NRXN3: variants seen among roughly 807,000 people sequenced by gnomAD.
NRXN3 encodes the protein neurexin 3, also known as neurexin III.
A neutral mutation model predicts 137.6 loss-of-function variants in NRXN3; 32 were observed. The ratio of observed to expected loss-of-function variants is 0.23; its 90% confidence interval spans 0.18 to 0.31. The LOEUF is 0.31. Among genes scored for constraint, NRXN3 ranks in the 10% least tolerant of loss-of-function variants. NRXN3 has a pLI of 1.00. For synonymous variants in NRXN3, 798 were observed against 784.5 expected, an observed-to-expected ratio of 1.02 and a Z score of -0.29; for missense variants, 1,574 against 2,062.5, an observed-to-expected ratio of 0.76 and a Z score of 4.59.
At position 79,371,066 on chromosome 14, in the gene NRXN3, A is replaced by G. The variant is rs572422647; in HGVS notation, c.3263-96155A>G. On this transcript the variant is annotated intron_variant, in intron 15 of 20. Coordinates refer to ENST00000335750, the MANE Select transcript of NRXN3 (RefSeq NM_001330195.2). ...TCTCATATTGTGTGAGAAAAATGGC[A>G]ATGCTCAATAAATGTTGTTCTAACT... is the stretch of plus-strand genomic sequence containing the variant. 3.9e-5 allele frequency among the ~76,000 whole-genome samples: 6 copies of G among 152,290 alleles called. No homozygotes were observed. In the East Asian group the frequency reaches 1.2e-3, roughly 29 times the overall value.
rs140715990 is a variant in NRXN3, at chr14:79,106,210, A to G, written c.3262+118069A>G. Among the ~76,000 whole-genome samples, 77 of 152,260 alleles carry G rather than the reference A, an allele frequency of 5.1e-4. No individual in the cohort carries two copies. In the East Asian group the frequency reaches 0.014, roughly 27 times the overall value. ...TCAGGATTATAATCTCTCAGATAGT[A>G]TAATATCAGCTCATAATCTTCCAAC... On this transcript the variant is annotated intron_variant, in intron 15 of 20. Transcript: ENST00000335750.
chr14:78,956,429 G>T (rs950435889), intron 10 of NRXN3, among the ~76,000 whole-genome samples: 1 of 152,036 alleles, frequency 6.6e-6, no homozygotes, highest in Non-Finnish European at 1.5e-5. Flanking sequence ...TCTTTATAGG[G>T]TTCACTTGAA....
chr14:79,832,663 G>A (rs1265936137), intron 20 of NRXN3, among the ~76,000 whole-genome samples: 1 of 152,090 alleles, frequency 6.6e-6, no homozygotes, highest in African/African-American at 2.4e-5. Flanking sequence ...AATGGCAATA[G>A]TGTAGAGGTT....
intron 16 of NRXN3, among the ~76,000 whole-genome samples, chr14:79,589,892 G>T (rs76145670): frequency 6.6e-6 from 1 of 152,080 alleles, no homozygotes; most frequent in Non-Finnish European, 1.5e-5. Flanking sequence ...AAAAGCTATT[G>T]AATGACTGTG....
intron 1 of NRXN3, among the ~76,000 whole-genome samples, chr14:78,240,712 T>A (rs1392892898): frequency 6.6e-6 from 1 of 152,176 alleles, no homozygotes; most frequent in Non-Finnish European, 1.5e-5. Context: ...TTAGGGAACA[T>A]TGCTTGGACA....
intron 15 of NRXN3, among the ~76,000 whole-genome samples, chr14:79,172,408 C>G (rs983935161): frequency 6.6e-6 from 1 of 151,946 alleles, no homozygotes; most frequent in Non-Finnish European, 1.5e-5. Context: ...TTACCTTTAA[C>G]AATTTTGAAT....
At chr14:78,556,808 C>T (rs2096740827) in intron 4 of NRXN3, among the ~76,000 whole-genome samples, 1 of 151,938 alleles carries the variant, frequency 6.6e-6, no homozygotes, top group Admixed American at 6.5e-5. Context: ...CATTGGGCTT[C>T]TCCCTAGCAG....
chr14:78,857,249 A>T (rs17757723), intron 10 of NRXN3, among the ~76,000 whole-genome samples: 2,820 of 152,190 alleles, frequency 0.019, 43 homozygotes, highest in Middle Eastern at 0.048. Flanking sequence ...AGACATCCGA[A>T]TGTGTAGATT....
chr14:78,784,516 C>A (rs1309794802), intron 8 of NRXN3, among the ~76,000 whole-genome samples: 1 of 152,136 alleles, frequency 6.6e-6, no homozygotes, highest in Non-Finnish European at 1.5e-5. Context: ...GACTGTCTGG[C>A]CAAACCTGGA....
intron 1 of NRXN3, among the ~76,000 whole-genome samples, chr14:78,174,696 C>G (rs765764491): frequency 1.3e-5 from 2 of 151,846 alleles, no homozygotes; most frequent in African/African-American, 4.8e-5. Flanking sequence ...GTGGTAGTGA[C>G]GGGGAAGGAA....
chr14:79,800,885 C>T (rs76121660), intron 19 of NRXN3, among the ~76,000 whole-genome samples: 6 of 152,136 alleles, frequency 3.9e-5, no homozygotes, highest in Non-Finnish European at 7.3e-5. Flanking sequence ...CATCCAAAAG[C>T]CTTGGTTTGT....
In NRXN3 at chr14:79,862,042, C is replaced by T. The variant is rs2099414653; in HGVS notation, c.*78C>T. The T allele has an allele frequency of 8.3e-7, 1 of 1,211,498 alleles. No homozygotes were observed. Among genetic ancestry groups the T allele is most frequent in the Non-Finnish European group, 1.2e-6 (1 of 863,792 alleles). The allele number at this position is 1,211,498 out of a possible 1,614,324, so 75.0% of individuals were successfully genotyped here. On this transcript the variant is annotated 3_prime_UTR_variant, in exon 21 of 21. Coordinates refer to ENST00000335750, the MANE Select transcript of NRXN3 (RefSeq NM_001330195.2). ...TATGAATCTTTGGACGGTGAGATCTCACAGATGTCAGAACTGCTGGAACTA... is the reference window on the plus strand; with the variant it reads ...TATGAATCTTTGGACGGTGAGATCTTACAGATGTCAGAACTGCTGGAACTA...
chr14:79,018,504 A>G (rs1223273610), intron 15 of NRXN3, among the ~76,000 whole-genome samples: 1 of 151,998 alleles, frequency 6.6e-6, no homozygotes, highest in African/African-American at 2.4e-5. Context: ...CATCTCTATG[A>G]TAAGAATTTT....
Position 78,306,647 on chromosome 14 carries a change from T to C in NRXN3, c.757+8787T>C, listed in dbSNP as rs1038011660. ...AGGTACAATTTGCACAAGTACATAT[T>C]AATAGGCTTATACTGGTGTATTGTG... On this transcript the variant is annotated intron_variant, in intron 4 of 20. Coordinates refer to ENST00000335750, the MANE Select transcript of NRXN3 (RefSeq NM_001330195.2). Among the ~76,000 whole-genome samples, 3 of 152,164 alleles carry C rather than the reference T, an allele frequency of 2.0e-5. No individual in the cohort carries two copies. The East Asian group carries it at 5.8e-4, about 29-fold the overall frequency.
chr14:79,562,633 A>T (rs951428620), intron 16 of NRXN3, among the ~76,000 whole-genome samples: 2 of 152,180 alleles, frequency 1.3e-5, no homozygotes, highest in Admixed American at 1.3e-4. Context: ...AAGTACTTTG[A>T]AGTCCCACTG....
At chr14:79,633,778 T>C (rs1021240797) in intron 16 of NRXN3, among the ~76,000 whole-genome samples, 1 of 152,210 alleles carries the variant, frequency 6.6e-6, no homozygotes, top group African/African-American at 2.4e-5. Context: ...TGCCAGCTGA[T>C]GTTCTTCTTG....
intron 10 of NRXN3, among the ~76,000 whole-genome samples, chr14:78,911,512 C>T (rs2099237572): frequency 6.6e-6 from 1 of 152,112 alleles, no homozygotes; most frequent in African/African-American, 2.4e-5. Flanking sequence ...GAGTTCACTA[C>T]CCACAGAGCT....
intron 9 of NRXN3, among the ~76,000 whole-genome samples, chr14:78,806,876 T>C (rs1186313730): frequency 6.6e-6 from 1 of 152,242 alleles, no homozygotes; most frequent in Non-Finnish European, 1.5e-5. Context: ...ATGCGATTAA[T>C]GATAATCTCA....
chr14:78,532,059 C>T (rs926380708), intron 4 of NRXN3, among the ~76,000 whole-genome samples: 11 of 149,816 alleles, frequency 7.3e-5, no homozygotes, highest in African/African-American at 2.7e-4. Context: ...AATCCCAGCA[C>T]TTTGAGAGGC....
Sources: gnomAD v4.1 joint callset for allele counts (sites outside exome capture counted in the v4.1 genomes callset) on GRCh38, gnomAD v4.1.1 for gene constraint, MANE v1.5 for transcripts, NCBI Gene and HGNC (gene_info 2026-07-23, HGNC 2026-07-21) for gene names.